The following AKT3 variants were observed in gnomAD, a reference collection of about 807,000 sequenced individuals.
The protein encoded by AKT3 is AKT serine/threonine kinase 3.
In AKT3, 15 loss-of-function variants were observed where a neutral mutation model predicts 65.3. That is an observed-to-expected ratio of 0.23 (90% confidence interval 0.15 to 0.35). The LOEUF (loss-of-function observed/expected upper bound fraction) is 0.35, where lower values mean the gene tolerates loss of function less well. Ranked by LOEUF, AKT3 falls within the 10% of genes least tolerant of loss-of-function variation. The pLI, the probability that AKT3 is intolerant of heterozygous loss-of-function variation, is 1.00. For synonymous variants in AKT3, 206 were observed against 183.8 expected, an observed-to-expected ratio of 1.12 and a Z score of -0.98; for missense variants, 243 against 576.5, an observed-to-expected ratio of 0.42 and a Z score of 5.92.
In AKT3 at chr1:243,573,061, C is replaced by T; in HGVS notation, c.697-13G>A. ...AATGGAAAAACAGCTGCAGGGTAAA[C>T]AGCAGGGACAGGATTGTAATAATTA... On this transcript the variant is annotated splice_polypyrimidine_tract_variant and intron_variant, in intron 8 of 13. Transcript: ENST00000673466. 3 of 1,611,184 alleles carry T rather than the reference C, an allele frequency of 1.9e-6. No homozygotes were observed. The highest frequency in any genetic ancestry group is 2.5e-6 in the Non-Finnish European group (3 of 1,178,940).
intron 2 of AKT3, among the ~76,000 whole-genome samples, chr1:243,800,853 A>G (rs979627498): frequency 1.3e-5 from 2 of 152,212 alleles, no homozygotes; most frequent in African/African-American, 4.8e-5. Flanking sequence ...GATATGCACC[A>G]TTTCTGCCCT....
intron 2 of AKT3, among the ~76,000 whole-genome samples, chr1:243,777,532 A>T (rs902721950): frequency 2.0e-5 from 3 of 152,190 alleles, no homozygotes; most frequent in Non-Finnish European, 4.4e-5. Flanking sequence ...TTTATCAGGG[A>T]TCACTAGTGG....
chr1:243,826,490 T>C (rs1330263010), intron 2 of AKT3, among the ~76,000 whole-genome samples: 8 of 152,224 alleles, frequency 5.3e-5, no homozygotes, highest in Non-Finnish European at 8.8e-5. Context: ...GTAAGTCTGA[T>C]AGCGAGCTTC....
chr1:243,583,162 ATGTGTG>A (rs145963349), intron 8 of AKT3, among the ~76,000 whole-genome samples: 12,044 of 114,208 alleles, frequency 0.11, 840 homozygotes, highest in Non-Finnish European at 0.14. Context: ...TTCCATGTAT[ATGTGTG>A]TGTATATATA....
chr1:243,850,918 T>C (rs1287837783), upstream of AKT3: 1 of 152,018 alleles, frequency 6.6e-6, no homozygotes, highest in Non-Finnish European at 1.5e-5. Flanking sequence ...CGGAGGCTCC[T>C]CGCCCAGCCG....
intron 12 of AKT3, among the ~76,000 whole-genome samples, chr1:243,523,299 ACACACAC>A (rs1670842886): frequency 6.6e-6 from 1 of 151,460 alleles, no homozygotes; most frequent in African/African-American, 2.4e-5. Context: ...ACACACACAC[ACACACAC>A]ACCTTTCAGA....
chr1:243,754,766 C>T (rs927996657), intron 2 of AKT3, among the ~76,000 whole-genome samples: 2 of 152,206 alleles, frequency 1.3e-5, no homozygotes, highest in African/African-American at 2.4e-5. Context: ...CCCTCCCACA[C>T]ACCACCCAGG....
At chr1:243,802,397 T>C (rs934352180) in intron 2 of AKT3, among the ~76,000 whole-genome samples, 3 of 152,162 alleles carry the variant, frequency 2.0e-5, no homozygotes, top group African/African-American at 7.2e-5. Context: ...CTAGAATTTA[T>C]TGGAAAGGAA....
chr1:243,674,892 G>C (rs1052441695), intron 3 of AKT3, among the ~76,000 whole-genome samples: 1 of 152,158 alleles, frequency 6.6e-6, no homozygotes, highest in Non-Finnish European at 1.5e-5. Context: ...ATTGTATAAA[G>C]CTGAGATATG....
At chr1:243,621,996 T>C (rs928988918) in intron 6 of AKT3, among the ~76,000 whole-genome samples, 1 of 152,198 alleles carries the variant, frequency 6.6e-6, no homozygotes, top group Non-Finnish European at 1.5e-5. Context: ...CCACAGTCTA[T>C]TGTCAACACT....
At chr1:243,506,650 A>C (rs1669691100) in intron 13 of AKT3, among the ~76,000 whole-genome samples, 1 of 152,244 alleles carries the variant, frequency 6.6e-6, no homozygotes, top group South Asian at 2.1e-4. Flanking sequence ...TCTGACCCCT[A>C]ATGTACCAGA....
intron 2 of AKT3, among the ~76,000 whole-genome samples, chr1:243,827,011 G>T (rs962034520): frequency 1.8e-4 from 27 of 149,692 alleles, no homozygotes; most frequent in Admixed American, 3.4e-4. Flanking sequence ...ATGCATTTCA[G>T]AAATTTTACA....
At chr1:243,646,785 T>C (rs1680853913) in intron 4 of AKT3, among the ~76,000 whole-genome samples, 1 of 152,030 alleles carries the variant, frequency 6.6e-6, no homozygotes, top group Non-Finnish European at 1.5e-5. Context: ...CAAGGAAAGG[T>C]TTTCAAAGCC....
At chr1:243,488,839 T>C (rs1665667967) in intron 13 of AKT3, among the ~76,000 whole-genome samples, 1 of 152,322 alleles carries the variant, frequency 6.6e-6, no homozygotes, top group East Asian at 1.9e-4. Context: ...GAATGTTACC[T>C]TCACACAGTG....
chr1:243,517,236 G>A (rs1670422293), intron 12 of AKT3, among the ~76,000 whole-genome samples: 1 of 151,858 alleles, frequency 6.6e-6, no homozygotes, highest in Non-Finnish European at 1.5e-5. Context: ...TCAACATATG[G>A]TACACTGTGA....
At chr1:243,605,971 C>T (rs891026852) in intron 8 of AKT3, among the ~76,000 whole-genome samples, 3 of 152,138 alleles carry the variant, frequency 2.0e-5, no homozygotes, top group African/African-American at 7.2e-5. Context: ...TTATAAGGGG[C>T]TTTTCCTCCT....
intron 2 of AKT3, among the ~76,000 whole-genome samples, chr1:243,836,203 C>G (rs187321766): frequency 6.6e-6 from 1 of 151,880 alleles, no homozygotes; most frequent in Non-Finnish European, 1.5e-5. Context: ...TGAAAAGATA[C>G]AAGATGCAAA....
At chr1:243,828,370 T>C (rs369013862) in intron 2 of AKT3, among the ~76,000 whole-genome samples, 21 of 152,120 alleles carry the variant, frequency 1.4e-4, no homozygotes, top group African/African-American at 5.1e-4. Context: ...CACTAATAAA[T>C]GGCAAAGCCA....
At chr1:243,812,819 A>T (rs1028677160) in intron 2 of AKT3, among the ~76,000 whole-genome samples, 1 of 152,128 alleles carries the variant, frequency 6.6e-6, no homozygotes, top group Non-Finnish European at 1.5e-5. Context: ...GCATATATAT[A>T]CCATGGAATA....
Sources: gnomAD v4.1 joint callset for allele counts (sites outside exome capture counted in the v4.1 genomes callset) on GRCh38, gnomAD v4.1.1 for gene constraint, MANE v1.5 for transcripts, NCBI Gene and HGNC (gene_info 2026-07-23, HGNC 2026-07-21) for gene names.